MCOLN2: variants seen among roughly 807,000 people sequenced by gnomAD.
The protein encoded by MCOLN2 is mucolipin TRP cation channel 2.
In MCOLN2, 57 loss-of-function variants were observed where a neutral mutation model predicts 67.5. The ratio of observed to expected loss-of-function variants is 0.84; its 90% confidence interval spans 0.68 to 1.05. The LOEUF (loss-of-function observed/expected upper bound fraction) is 1.05. Ranked by LOEUF, MCOLN2 falls within the 50% of genes least tolerant of loss-of-function variation. The pLI is 0.00. For missense variants in MCOLN2, 620 were observed against 678.8 expected, an observed-to-expected ratio of 0.91 and a Z score of 0.96; for synonymous variants, 246 against 233.3, an observed-to-expected ratio of 1.05 and a Z score of -0.50.
At chr1:84,949,664 A>T (rs1648310894) in intron 6 of MCOLN2, among the ~76,000 whole-genome samples, 1 of 152,186 alleles carries the variant, frequency 6.6e-6, no homozygotes, top group African/African-American at 2.4e-5. Flanking sequence ...AAATAAAAAA[A>T]TACTGCAAGA....
intron 7 of MCOLN2, among the ~76,000 whole-genome samples, chr1:84,941,206 T>C (rs1647759822): frequency 2.0e-5 from 3 of 152,312 alleles, no homozygotes; most frequent in Admixed American, 6.5e-5. Flanking sequence ...TTTAAAAACA[T>C]GTGAGCTGGG....
At chr1:84,990,892 G>A (rs1466916112) in intron 1 of MCOLN2, among the ~76,000 whole-genome samples, 1 of 151,780 alleles carries the variant, frequency 6.6e-6, no homozygotes, top group Non-Finnish European at 1.5e-5. Context: ...CTGTCATTGT[G>A]CCACTGCACT....
rs1647722920 is a variant in MCOLN2, at chr1:84,940,777, G to A, written c.960+102C>T. The A allele has an allele frequency of 1.9e-5, 13 of 683,100 alleles. No individual in the cohort carries two copies. In the South Asian group the frequency reaches 2.1e-4, roughly 11 times the overall value. 42.3% of individuals were successfully genotyped at this position (683,100 alleles called of 1,614,324 possible). A position where few individuals can be genotyped will look rare whatever the true frequency, so the allele number is the denominator to read the frequency against. On this transcript the variant is annotated intron_variant, in intron 8 of 13. Transcript: ENST00000370608. ...CTCAAAGGAATCTGATTTAGTCAAA[G>A]GTCTCCAAAAAAGGCAGGTGCACAA...
chr1:84,976,178 A>C (rs1274214411), intron 1 of MCOLN2, among the ~76,000 whole-genome samples: 1 of 152,172 alleles, frequency 6.6e-6, no homozygotes, highest in Non-Finnish European at 1.5e-5. Flanking sequence ...ATCCAAATAC[A>C]AGAAGGTTAT....
intron 13 of MCOLN2, among the ~76,000 whole-genome samples, chr1:84,928,010 T>C (rs1661240017): frequency 6.6e-6 from 1 of 152,070 alleles, no homozygotes; most frequent in South Asian, 2.1e-4. Context: ...TACAATCCAT[T>C]TCCTTCCATC....
chr1:84,938,945 G>C (rs1647590589), intron 9 of MCOLN2, among the ~76,000 whole-genome samples: 1 of 152,188 alleles, frequency 6.6e-6, no homozygotes, highest in South Asian at 2.1e-4. Flanking sequence ...CTGGTGAGGA[G>C]GCTGCTGTCA....
chr1:84,971,542 ACACG>A (rs1223939602), intron 1 of MCOLN2, among the ~76,000 whole-genome samples: 2 of 141,424 alleles, frequency 1.4e-5, no homozygotes, highest in African/African-American at 2.6e-5. Context: ...ACACACACAC[ACACG>A]ATATCTTATT....
At chr1:84,952,147 T>C in intron 6 of MCOLN2, 96 bp downstream of exon 6, 1 of 753,340 alleles carries the variant, frequency 1.3e-6, no homozygotes, top group Non-Finnish European at 2.2e-6. Context: ...TGACTGCATT[T>C]AACACATCTG....
intron 1 of MCOLN2, among the ~76,000 whole-genome samples, chr1:84,969,929 G>A (rs1557655398): frequency 6.6e-6 from 1 of 152,294 alleles, no homozygotes; most frequent in African/African-American, 2.4e-5. Context: ...CATAATAGAC[G>A]ATGTGGTAAG....
intron 13 of MCOLN2, 89 bp from the exon 14 acceptor site, chr1:84,926,810 C>T (rs540579436): frequency 5.3e-5 from 50 of 937,146 alleles, no homozygotes; most frequent in Admixed American, 1.9e-4. Context: ...ATTCTAGGCC[C>T]GTAGATTATA....
intron 11 of MCOLN2, among the ~76,000 whole-genome samples, chr1:84,932,592 C>CT (rs113116671): frequency 2.6e-5 from 4 of 152,110 alleles, no homozygotes; most frequent in South Asian, 4.1e-4. Flanking sequence ...GAAAAATGAA[C>CT]TTTTTTTTCT....
intron 1 of MCOLN2, among the ~76,000 whole-genome samples, chr1:84,967,984 A>T (rs1027336934): frequency 5.3e-5 from 8 of 152,102 alleles, no homozygotes; most frequent in Non-Finnish European, 8.8e-5. Flanking sequence ...AGAGTTAAGG[A>T]GAGCAAGAAC....
chr1:84,934,719 G>A (rs140168941), intron 11 of MCOLN2, among the ~76,000 whole-genome samples: 12 of 152,316 alleles, frequency 7.9e-5, no homozygotes, highest in Non-Finnish European at 1.3e-4. Flanking sequence ...TGTAAAAGCC[G>A]CATTAGAGTA....
intron 13 of MCOLN2, among the ~76,000 whole-genome samples, chr1:84,927,730 T>C (rs759968957): frequency 4.7e-4 from 71 of 152,350 alleles, no homozygotes; most frequent in Non-Finnish European, 2.6e-4. Flanking sequence ...TTTATGTTCA[T>C]CTTTAGCCTC....
intron 1 of MCOLN2, among the ~76,000 whole-genome samples, chr1:84,995,262 CT>C (rs35333053): frequency 0.42 from 63,384 of 151,458 alleles, 13,944 homozygotes; most frequent in East Asian, 0.62. Flanking sequence ...TGAGCACATG[CT>C]GTTGGAAAAA....
At chr1:84,947,182 A>G (rs779124917) in intron 6 of MCOLN2, 50 bp from the exon 7 acceptor site, 1 of 927,206 alleles carries the variant, frequency 1.1e-6, no homozygotes, top group East Asian at 2.4e-5. Flanking sequence ...AAAGTATAAC[A>G]TGTTAGATCA....
At chr1:84,987,448 A>ATATG in intron 1 of MCOLN2, among the ~76,000 whole-genome samples, 8 of 128,006 alleles carry the variant, frequency 6.2e-5, no homozygotes, top group African/African-American at 2.3e-4. Flanking sequence ...AGATATATAC[A>ATATG]TATATACATA....
chr1:84,973,062 G>C (rs1448729265), intron 1 of MCOLN2, among the ~76,000 whole-genome samples: 1 of 152,186 alleles, frequency 6.6e-6, no homozygotes, highest in African/African-American at 2.4e-5. Flanking sequence ...TCACTGGTAT[G>C]TGAGAAGAAA....
intron 13 of MCOLN2, among the ~76,000 whole-genome samples, chr1:84,929,275 GAGTTC>G (rs1399507367): frequency 6.6e-6 from 1 of 152,202 alleles, no homozygotes; most frequent in Non-Finnish European, 1.5e-5. Context: ...GGCCACTTAA[GAGTTC>G]AGCCTCTTGA....
Sources: gnomAD v4.1 joint callset for allele counts (sites outside exome capture counted in the v4.1 genomes callset) on GRCh38, gnomAD v4.1.1 for gene constraint, MANE v1.5 for transcripts, NCBI Gene and HGNC (gene_info 2026-07-23, HGNC 2026-07-21) for gene names.